VPS13B: variants seen among roughly 807,000 people sequenced by gnomAD.
VPS13B encodes intermembrane lipid transfer protein VPS13B.
Under a neutral mutation model 426.4 loss-of-function variants are expected in VPS13B, and 285 were observed. The observed-to-expected ratio is 0.67, with a 90% CI of 0.61 to 0.74. VPS13B has a LOEUF of 0.74. Ranked by LOEUF, VPS13B falls within the 30% of genes least tolerant of loss-of-function variation. VPS13B has a pLI of 0.00. For missense variants in VPS13B, 4,537 were observed against 4,782.6 expected, an observed-to-expected ratio of 0.95 and a Z score of 1.51; for synonymous variants, 1,676 against 1,676.4, an observed-to-expected ratio of 1.00 and a Z score of 0.01.
At chr8:99,610,459 C>A (rs1827795712) in intron 33 of VPS13B, among the ~76,000 whole-genome samples, 2 of 152,124 alleles carry the variant, frequency 1.3e-5, no homozygotes, top group Non-Finnish European at 2.9e-5. Context: ...AAGCTGGAAA[C>A]CATCATTCTC....
intron 2 of VPS13B, among the ~76,000 whole-genome samples, chr8:99,033,791 G>A (rs200364916): frequency 6.6e-6 from 1 of 152,028 alleles, no homozygotes; most frequent in East Asian, 1.9e-4. Flanking sequence ...AGCTATTCGG[G>A]AGGCTGAGGC....
intron 17 of VPS13B, chr8:99,233,268 T>C: frequency 8.5e-7 from 1 of 1,179,794 alleles, no homozygotes; most frequent in Non-Finnish European, 1.3e-6. Context: ...TCTTGCCACC[T>C]TTGCCAATCA....
intron 27 of VPS13B, among the ~76,000 whole-genome samples, chr8:99,504,196 C>T (rs1821380735): frequency 6.6e-6 from 1 of 152,172 alleles, no homozygotes; most frequent in Non-Finnish European, 1.5e-5. Context: ...CTCTTGCTTA[C>T]TCTCTTACCA....
chr8:99,859,613 T>G, intron 57 of VPS13B, 133 bp downstream of exon 57: 1 of 1,205,566 alleles, frequency 8.3e-7, no homozygotes, highest in Non-Finnish European at 1.2e-6. Flanking sequence ...GCAGTGAGAG[T>G]TTGGGTTTGT....
At chr8:99,351,983 A>G (rs1490643086) in intron 19 of VPS13B, among the ~76,000 whole-genome samples, 1 of 152,174 alleles carries the variant, frequency 6.6e-6, no homozygotes, top group Non-Finnish European at 1.5e-5. Flanking sequence ...TACTCTCGGG[A>G]GTCTGGAAGA....
chr8:99,103,008 T>C lies in VPS13B; in HGVS notation c.468T>C (p.Asn156=), dbSNP rs1162487152. The stretch of plus-strand genomic sequence containing the variant: ...TAAATAATGTAAACATTGTGATAAA[T>C]AATCTCATACTAAAATATGTTGAAG... ...RVVNNVNIVI[N]NLILKYVEDD... Residue 156 remains asparagine (N), a synonymous_variant, in exon 5 of 62, where the codon AAT becomes AAC. Transcript: ENST00000357162. 5 of 1,612,628 alleles carry C rather than the reference T, an allele frequency of 3.1e-6. No homozygotes were observed. The highest frequency in any genetic ancestry group is 4.2e-6 in the Non-Finnish European group (5 of 1,178,838).
intron 35 of VPS13B, among the ~76,000 whole-genome samples, chr8:99,687,654 C>T (rs889701271): frequency 6.6e-6 from 1 of 151,960 alleles, no homozygotes; most frequent in African/African-American, 2.4e-5. Flanking sequence ...CTACTCTCTC[C>T]CGCCCACAAA....
At chr8:99,645,930 T>G (rs1829559279) in intron 34 of VPS13B, among the ~76,000 whole-genome samples, 1 of 152,100 alleles carries the variant, frequency 6.6e-6, no homozygotes, top group Admixed American at 6.6e-5. Context: ...AGCCCCAAGA[T>G]AGTAACCTTA....
intron 23 of VPS13B, among the ~76,000 whole-genome samples, chr8:99,447,816 G>T (rs907658369): frequency 2.6e-5 from 4 of 151,678 alleles, no homozygotes; most frequent in African/African-American, 7.3e-5. Context: ...TTATCGTGTT[G>T]CTGTAAATAG....
intron 21 of VPS13B, among the ~76,000 whole-genome samples, chr8:99,405,576 T>C (rs1362295408): frequency 6.6e-6 from 1 of 152,168 alleles, no homozygotes; most frequent in Non-Finnish European, 1.5e-5. Flanking sequence ...AGTCATCTTA[T>C]TAAAAACCTA....
chr8:99,723,666 G>A (rs1833218860), intron 39 of VPS13B, among the ~76,000 whole-genome samples: 1 of 152,108 alleles, frequency 6.6e-6, no homozygotes, highest in African/African-American at 2.4e-5. Flanking sequence ...GGAGATCAGA[G>A]AGTCCCAGGG....
At chr8:99,801,749 G>A (rs1313388808) in intron 43 of VPS13B, among the ~76,000 whole-genome samples, 1 of 152,124 alleles carries the variant, frequency 6.6e-6, no homozygotes, top group African/African-American at 2.4e-5. Flanking sequence ...TATATTGTAA[G>A]CATTTTCAGC....
chr8:99,296,230 A>C (rs1188098669), intron 19 of VPS13B, among the ~76,000 whole-genome samples: 1 of 152,124 alleles, frequency 6.6e-6, no homozygotes, highest in Non-Finnish European at 1.5e-5. Flanking sequence ...TATCTATCCA[A>C]ATATTACCTG....
intron 19 of VPS13B, among the ~76,000 whole-genome samples, chr8:99,361,744 G>A (rs1438171854): frequency 6.6e-6 from 1 of 152,154 alleles, no homozygotes; most frequent in Non-Finnish European, 1.5e-5. Flanking sequence ...GGAACATGAT[G>A]CCTGTATAGG....
chr8:99,777,718 C>T (rs1811813030), intron 41 of VPS13B, among the ~76,000 whole-genome samples: 1 of 152,112 alleles, frequency 6.6e-6, no homozygotes, highest in Admixed American at 6.6e-5. Context: ...TAGGCACAGT[C>T]TCAAATTAAT....
At chr8:99,793,254 C>CATATATAT (rs779913773) in intron 43 of VPS13B, among the ~76,000 whole-genome samples, 1,134 of 106,940 alleles carry the variant, frequency 0.011, 8 homozygotes, top group African/African-American at 0.018. Flanking sequence ...TTGCCCTCTC[C>CATATATAT]ATATATATAT....
rs1447068181 is a variant in VPS13B, at chr8:99,135,471, T to G, written c.1426-125T>G. The G allele has an allele frequency of 3.1e-6, 4 of 1,281,810 alleles. No individual in the cohort carries two copies. In the African/African-American group the frequency reaches 6.0e-5, roughly 19 times the overall value. The allele number at this position is 1,281,810 out of a possible 1,614,324, so 79.4% of individuals were successfully genotyped here. A position where few individuals can be genotyped will look rare whatever the true frequency, so the allele number is the denominator to read the frequency against. The stretch of plus-strand genomic sequence containing the variant: ...GTCAATGAAGGTGGAGCAGCAGCAT[T>G]CCTTATCTTTCTGTTTTAGTGATTT... On this transcript the variant is annotated intron_variant, in intron 10 of 61. Coordinates refer to ENST00000357162, the MANE Select transcript of VPS13B (RefSeq NM_152564.5).
At chr8:99,287,224 ATCTGTCTG>A (rs200832966) in intron 19 of VPS13B, among the ~76,000 whole-genome samples, 41,572 of 111,204 alleles carry the variant, frequency 0.37, 6,088 homozygotes, top group Middle Eastern at 0.44. Context: ...GTGTGTATCT[ATCTGTCTG>A]TCTATCTATC....
chr8:99,424,333 C>T (rs1816561922), intron 21 of VPS13B: 2 of 151,916 alleles, frequency 1.3e-5, no homozygotes, highest in African/African-American at 4.8e-5. Flanking sequence ...TTCCTGAATA[C>T]AGCACACTGA....
Sources: gnomAD v4.1 joint callset for allele counts (sites outside exome capture counted in the v4.1 genomes callset) on GRCh38, gnomAD v4.1.1 for gene constraint, MANE v1.5 for transcripts, NCBI Gene and HGNC (gene_info 2026-07-23, HGNC 2026-07-21) for gene names.